ATAD2B: variants seen among roughly 807,000 people sequenced by gnomAD.
ATAD2B encodes the protein ATPase family AAA domain containing 2B, also known as ATPase family AAA domain-containing protein 2B.
In ATAD2B, 40 loss-of-function variants were observed where a neutral mutation model predicts 167.6. That is an observed-to-expected ratio of 0.24 (90% CI 0.19 to 0.31). The LOEUF (loss-of-function observed/expected upper bound fraction) is 0.31, where lower values mean the gene tolerates loss of function less well. Among genes scored for constraint, ATAD2B ranks in the 10% least tolerant of loss-of-function variants. The pLI is 1.00. For synonymous variants in ATAD2B, 579 were observed against 596.5 expected, an observed-to-expected ratio of 0.97 and a Z score of 0.43; for missense variants, 1,242 against 1,757.2, an observed-to-expected ratio of 0.71 and a Z score of 5.24.
chr2:23,885,782 C>T lies in ATAD2B; in HGVS notation c.620G>A (p.Arg207Gln), dbSNP rs7579201. 9.1e-5 allele frequency: 146 copies of T among 1,597,344 alleles called. 1 individual carries two copies. In the African/African-American group the frequency reaches 1.8e-3, roughly 20 times the overall value. ...LQEMDNINIR[R>Q]NRRSGEVERL... The stretch of plus-strand genomic sequence containing the variant: ...TTCTACTTCTCCTGATCGACGATTC[C>T]GTCGGATGTTAATGTTGTCCATTTC... Residue 207 changes from arginine to glutamine, a missense_variant, in exon 5 of 28, where the codon CGG becomes CAG. Physicochemically the swap from Arg to Gln is conservative, Grantham distance 43. Coordinates refer to ENST00000238789, the MANE Select transcript of ATAD2B (RefSeq NM_017552.4).
At chr2:23,800,902 C>T (rs919438416) in intron 18 of ATAD2B, among the ~76,000 whole-genome samples, 6 of 151,982 alleles carry the variant, frequency 3.9e-5, no homozygotes, top group East Asian at 3.9e-4. Flanking sequence ...AAAAAGGCTT[C>T]GCCTTTCTGA....
chr2:23,831,260 T>A (rs1689030698), intron 14 of ATAD2B, among the ~76,000 whole-genome samples: 1 of 152,022 alleles, frequency 6.6e-6, no homozygotes, highest in African/African-American at 2.4e-5. Context: ...ACAACAATCA[T>A]AAAAATGATG....
intron 11 of ATAD2B, among the ~76,000 whole-genome samples, chr2:23,863,997 C>T (rs931275241): frequency 6.6e-6 from 1 of 151,816 alleles, no homozygotes; most frequent in African/African-American, 2.4e-5. Flanking sequence ...AATCTAACAG[C>T]CTATATGTGT....
chr2:23,867,731 ACT>A, intron 10 of ATAD2B, 102 bp downstream of exon 10: 1 of 768,922 alleles, frequency 1.3e-6, no homozygotes. Context: ...AAACATTAAC[ACT>A]GTCATATCCG....
At chr2:23,706,885 C>T in the ATAD2B span, 5 of 465,970 alleles carry the variant, frequency 1.1e-5, no homozygotes, top group African/African-American at 4.0e-5. Flanking sequence ...ACCACGATCC[C>T]GCCATGGGGC....
At chr2:23,733,586 G>A in the ATAD2B span, among the ~76,000 whole-genome samples, 1 of 152,146 alleles carries the variant, frequency 6.6e-6, no homozygotes, top group East Asian at 1.9e-4. Flanking sequence ...CTAAATGTGT[G>A]CTGCACCTGG....
intron 21 of ATAD2B, among the ~76,000 whole-genome samples, chr2:23,783,284 C>CTT (rs1375017370): frequency 5.9e-5 from 8 of 135,642 alleles, no homozygotes; most frequent in Admixed American, 7.5e-5. Context: ...ACCATGTCAG[C>CTT]TTTTTTTTTT....
intron 22 of ATAD2B, among the ~76,000 whole-genome samples, chr2:23,774,955 G>A (rs1018597891): frequency 5.9e-5 from 9 of 152,006 alleles, no homozygotes; most frequent in East Asian, 1.9e-4. Context: ...TTTACTCATC[G>A]GCCACATTTA....
chr2:23,888,436 A>G (rs1395606398), intron 2 of ATAD2B, 37 bp from the exon 3 acceptor site: 2 of 1,328,878 alleles, frequency 1.5e-6, no homozygotes, highest in Non-Finnish European at 2.1e-6. Flanking sequence ...AAACACATCA[A>G]CATTTGCTTA....
intron 25 of ATAD2B, 149 bp from the exon 26 acceptor site, chr2:23,754,923 A>G (rs891923853): frequency 3.7e-5 from 27 of 724,574 alleles, no homozygotes; most frequent in Non-Finnish European, 5.0e-5. Flanking sequence ...AAGCAACCCA[A>G]TGTGGTAGAT....
At chr2:23,910,383 G>A (rs1702115048) in intron 1 of ATAD2B, among the ~76,000 whole-genome samples, 1 of 149,102 alleles carries the variant, frequency 6.7e-6, no homozygotes, top group Non-Finnish European at 1.5e-5. Flanking sequence ...TCTCCATGTT[G>A]GTCAGGCTGG....
intron 1 of ATAD2B, among the ~76,000 whole-genome samples, chr2:23,917,085 TCTATGA>T (rs1703146201): frequency 6.6e-6 from 1 of 152,236 alleles, no homozygotes; most frequent in Admixed American, 6.5e-5. Flanking sequence ...TTCCTGGACT[TCTATGA>T]TTTTGCAACT....
At chr2:23,888,106 C>T (rs1698958919) in intron 3 of ATAD2B, 121 bp from the exon 4 acceptor site, 1 of 816,046 alleles carries the variant, frequency 1.2e-6, no homozygotes, top group South Asian at 2.6e-5. Flanking sequence ...TTTTAAATGG[C>T]TTTAATAGTC....
chr2:23,834,877 A>T (rs1021887771), intron 13 of ATAD2B, among the ~76,000 whole-genome samples: 5 of 152,134 alleles, frequency 3.3e-5, no homozygotes, highest in African/African-American at 1.2e-4. Flanking sequence ...ACACAGTGAG[A>T]CCCCATCTCC....
the ATAD2B span, among the ~76,000 whole-genome samples, chr2:23,720,437 G>A: frequency 6.6e-6 from 1 of 152,128 alleles, no homozygotes; most frequent in Admixed American, 6.5e-5. Context: ...AGCTGGACAT[G>A]ATGGCACATG....
intron 7 of ATAD2B, among the ~76,000 whole-genome samples, chr2:23,877,822 C>A (rs1265744774): frequency 6.7e-6 from 1 of 150,020 alleles, no homozygotes; most frequent in Non-Finnish European, 1.5e-5. Flanking sequence ...AGCACCACTG[C>A]ACTCCAGCCT....
At chr2:23,910,579 T>C (rs1702144219) in intron 1 of ATAD2B, among the ~76,000 whole-genome samples, 1 of 151,340 alleles carries the variant, frequency 6.6e-6, no homozygotes, top group South Asian at 2.1e-4. Context: ...TTAAAAGAGA[T>C]GGTGTCAGCT....
At chr2:23,818,096 T>TACAC (rs70941591) in intron 17 of ATAD2B, among the ~76,000 whole-genome samples, 3,411 of 139,514 alleles carry the variant, frequency 0.024, 240 homozygotes, top group African/African-American at 0.083. Flanking sequence ...ACACACACAT[T>TACAC]ACACACACAC....
intron 1 of ATAD2B, among the ~76,000 whole-genome samples, chr2:23,916,792 C>G (rs1474826093): frequency 1.3e-5 from 2 of 152,132 alleles, no homozygotes; most frequent in African/African-American, 4.8e-5. Context: ...CTCTCTAAAA[C>G]CCACACAGGA....
Sources: gnomAD v4.1 joint callset for allele counts (sites outside exome capture counted in the v4.1 genomes callset) on GRCh38, gnomAD v4.1.1 for gene constraint, MANE v1.5 for transcripts, NCBI Gene and HGNC (gene_info 2026-07-23, HGNC 2026-07-21) for gene names.